LOC128125817: variants seen among roughly 807,000 people sequenced by gnomAD.
At chr1:41,602,105 G>A in the LOC128125817 span, among the ~76,000 whole-genome samples, 1 of 152,036 alleles carries the variant, frequency 6.6e-6, no homozygotes, top group Non-Finnish European at 1.5e-5. Flanking sequence ...ACTTGGTCAT[G>A]GTGTATGATC....
the LOC128125817 span, among the ~76,000 whole-genome samples, chr1:41,627,450 A>G: frequency 2.0e-5 from 3 of 152,148 alleles, no homozygotes; most frequent in Non-Finnish European, 4.4e-5. Flanking sequence ...TCCAATGCCC[A>G]GTTCTTCCTT....
At chr1:41,587,269 T>C in the LOC128125817 span, among the ~76,000 whole-genome samples, 1 of 152,208 alleles carries the variant, frequency 6.6e-6, no homozygotes, top group Non-Finnish European at 1.5e-5. Context: ...ATACAGTGAT[T>C]GATATTTGTC....
chr1:41,619,235 T>C, the LOC128125817 span, among the ~76,000 whole-genome samples: 4 of 152,158 alleles, frequency 2.6e-5, no homozygotes, highest in African/African-American at 9.7e-5. Flanking sequence ...CCCCCAGCAC[T>C]TGCTCCTCGC....
chr1:41,623,258 G>A, the LOC128125817 span, among the ~76,000 whole-genome samples: 2 of 152,208 alleles, frequency 1.3e-5, no homozygotes, highest in Admixed American at 6.5e-5. Context: ...GAGAAACCAC[G>A]AAACTTCCTA....
At chr1:41,618,288 G>C in the LOC128125817 span, among the ~76,000 whole-genome samples, 1 of 152,238 alleles carries the variant, frequency 6.6e-6, no homozygotes, top group African/African-American at 2.4e-5. Flanking sequence ...GTTATGCAAT[G>C]CCGGGCCAGG....
the LOC128125817 span, among the ~76,000 whole-genome samples, chr1:41,587,194 C>T: frequency 6.6e-6 from 1 of 152,108 alleles, no homozygotes; most frequent in Non-Finnish European, 1.5e-5. Flanking sequence ...TCAATGACAC[C>T]CCTCTGGTCA....
chr1:41,592,426 G>A, the LOC128125817 span, among the ~76,000 whole-genome samples: 1 of 152,174 alleles, frequency 6.6e-6, no homozygotes, highest in Non-Finnish European at 1.5e-5. Flanking sequence ...GAAAAATACT[G>A]GCCACATTTC....
the LOC128125817 span, among the ~76,000 whole-genome samples, chr1:41,592,952 CCT>C: frequency 1.3e-5 from 2 of 152,234 alleles, no homozygotes; most frequent in East Asian, 3.9e-4. Flanking sequence ...ACCTGCTGAC[CCT>C]CTCTTGGGCT....
the LOC128125817 span, among the ~76,000 whole-genome samples, chr1:41,621,100 C>T: frequency 6.6e-6 from 1 of 152,350 alleles, no homozygotes; most frequent in East Asian, 1.9e-4. Context: ...CCCGCCTCAC[C>T]TGTCCCCAGT....
the LOC128125817 span, among the ~76,000 whole-genome samples, chr1:41,617,185 G>C: frequency 6.6e-6 from 1 of 152,084 alleles, no homozygotes; most frequent in African/African-American, 2.4e-5. Flanking sequence ...TATATTTTTT[G>C]TAAGTTTTCC....
At chr1:41,588,859 C>T in the LOC128125817 span, among the ~76,000 whole-genome samples, 4 of 152,138 alleles carry the variant, frequency 2.6e-5, no homozygotes, top group Admixed American at 2.0e-4. Context: ...CTCTGCCAGC[C>T]TGCTCTACCA....
chr1:41,609,452 T>TGG, the LOC128125817 span, among the ~76,000 whole-genome samples: 2 of 152,222 alleles, frequency 1.3e-5, no homozygotes, highest in African/African-American at 2.4e-5. Context: ...TGGCAGGCTG[T>TGG]GTTTGCCTTT....
the LOC128125817 span, among the ~76,000 whole-genome samples, chr1:41,605,367 GCACACGCGCACACACACACA>G: frequency 4.3e-4 from 48 of 111,734 alleles, no homozygotes; most frequent in African/African-American, 1.8e-3. Context: ...ATACACACAC[GCACACGCGCACACACACACA>G]CACACACACA....
the LOC128125817 span, among the ~76,000 whole-genome samples, chr1:41,607,216 C>T: frequency 1.3e-5 from 2 of 152,118 alleles, no homozygotes; most frequent in African/African-American, 4.8e-5. Flanking sequence ...AGTTCTAGAT[C>T]TCCTAGTTGA....
chr1:41,600,456 C>A, the LOC128125817 span, among the ~76,000 whole-genome samples: 1 of 152,132 alleles, frequency 6.6e-6, no homozygotes, highest in Non-Finnish European at 1.5e-5. Flanking sequence ...AAGCCAGCCA[C>A]AAATGAACAA....
chr1:41,625,877 C>A, the LOC128125817 span, among the ~76,000 whole-genome samples: 1 of 152,140 alleles, frequency 6.6e-6, no homozygotes, highest in Non-Finnish European at 1.5e-5. Flanking sequence ...ATAATGTATT[C>A]ATAAACCATC....
the LOC128125817 span, among the ~76,000 whole-genome samples, chr1:41,601,121 C>A: frequency 2.0e-5 from 3 of 152,052 alleles, no homozygotes; most frequent in Non-Finnish European, 4.4e-5. Flanking sequence ...ACATGTCTGT[C>A]TTTATGTCAG....
chr1:41,617,484 C>T, the LOC128125817 span, among the ~76,000 whole-genome samples: 3 of 152,204 alleles, frequency 2.0e-5, no homozygotes, highest in African/African-American at 7.2e-5. Flanking sequence ...CTCAAGTATT[C>T]TGTTACCCAG....
At chr1:41,622,551 C>A in the LOC128125817 span, among the ~76,000 whole-genome samples, 56 of 152,286 alleles carry the variant, frequency 3.7e-4, no homozygotes, top group Non-Finnish European at 6.5e-4. Flanking sequence ...CCATTTTTTA[C>A]ATATTATCTG....
Sources: gnomAD v4.1 joint callset for allele counts (sites outside exome capture counted in the v4.1 genomes callset) on GRCh38, gnomAD v4.1.1 for gene constraint, MANE v1.5 for transcripts.